The following PANK2 variants were observed in gnomAD, a reference collection of about 807,000 sequenced individuals.
The protein encoded by PANK2 is pantothenate kinase 2.
In PANK2, 36 loss-of-function variants were observed where a neutral mutation model predicts 43.1. The ratio of observed to expected loss-of-function variants is 0.84; its 90% CI spans 0.64 to 1.10. The LOEUF (loss-of-function observed/expected upper bound fraction) is 1.10. PANK2 is among the 50% of genes least tolerant of loss of function. PANK2 has a pLI of 0.00. For missense variants in PANK2, 576 were observed against 593.3 expected (o/e 0.97, Z 0.30); for synonymous variants, 281 against 238.2 (o/e 1.18, Z -1.66).
chr20:3,902,289 C>A (rs1045084786), intron 1 of PANK2, among the ~76,000 whole-genome samples: 3 of 151,546 alleles, frequency 2.0e-5, no homozygotes, highest in Non-Finnish European at 4.4e-5. Context: ...ACTTCAGCCT[C>A]TCAAGTAGCT....
intron 1 of PANK2, among the ~76,000 whole-genome samples, chr20:3,901,988 A>T (rs1364196344): frequency 6.6e-6 from 1 of 151,814 alleles, no homozygotes; most frequent in African/African-American, 2.4e-5. Flanking sequence ...TTTCCTTATG[A>T]TATCTTGAAA....
rs1021222383 is a variant in PANK2, at chr20:3,925,762, G to A, written c.*2468G>A. 3 of 152,330 alleles carry A rather than the reference G, an allele frequency of 2.0e-5. No homozygotes were observed. The highest frequency in any genetic ancestry group is 7.2e-5 in the African/African-American group (3 of 41,422). The allele number at this position is 152,330 out of a possible 1,614,324, so 9.4% of individuals were successfully genotyped here. On this transcript the variant is annotated 3_prime_UTR_variant, in exon 7 of 7. Coordinates refer to ENST00000610179, the MANE Select transcript of PANK2 (RefSeq NM_001386393.1). ...AGCATCACCTTGACTGATTTCCAGG[G>A]AACACTTCAACCACCCCTTACCTCT... is the stretch of plus-strand genomic sequence containing the variant.
chr20:3,913,773 C>CATAT (rs202153863), intron 4 of PANK2, among the ~76,000 whole-genome samples: 10 of 102,870 alleles, frequency 9.7e-5, no homozygotes, highest in East Asian at 2.8e-4. Context: ...CACACACACA[C>CATAT]ACATATATAT....
In PANK2 at chr20:3,927,532, T is replaced by A. The variant is rs2090741165; in HGVS notation, c.*4238T>A. ...AGGTTCAGCATTTCATAAACCTTTT[T>A]TTGAGGGAGTTACACAATACCTAGT... On this transcript the variant is annotated 3_prime_UTR_variant, in exon 7 of 7. Coordinates refer to ENST00000610179, the MANE Select transcript of PANK2 (RefSeq NM_001386393.1). 6.6e-6 allele frequency: 1 copy of A among 152,182 alleles called. No homozygotes were observed. The highest frequency in any genetic ancestry group is 2.4e-5 in the African/African-American group (1 of 41,450). The allele number at this position is 152,182 out of a possible 1,614,324, so 9.4% of individuals were successfully genotyped here.
chr20:3,890,631 C>T, intron 1 of PANK2, among the ~76,000 whole-genome samples: 1 of 152,110 alleles, frequency 6.6e-6, no homozygotes, highest in South Asian at 2.1e-4. Context: ...TTGCCAGATT[C>T]CTATTTCAGG....
chr20:3,920,512 G>A (rs151198419), intron 6 of PANK2, among the ~76,000 whole-genome samples: 2,707 of 148,726 alleles, frequency 0.018, 44 homozygotes, highest in Middle Eastern at 0.045. Context: ...ACGAGACTCT[G>A]TCTCAAAAAC....
chr20:3,914,216 A>G (rs1407793343), intron 4 of PANK2, among the ~76,000 whole-genome samples: 1 of 152,044 alleles, frequency 6.6e-6, no homozygotes, highest in African/African-American at 2.4e-5. Context: ...CCCATTTTAC[A>G]ATCTTAGCAG....
Position 3,890,406 on chromosome 20 carries a change from T to G in PANK2, c.298+678T>G, listed in dbSNP as rs147805248. Among the ~76,000 whole-genome samples the G allele has an allele frequency of 4.6e-5, 7 of 152,352 alleles. No homozygotes were observed. The East Asian group carries it at 1.2e-3, about 25-fold the overall frequency. ...AACAACATCTTTCTGAATTTTGCCT[T>G]GGGAGTTGCATACGCTCCTCCCAGA... On this transcript the variant is annotated intron_variant, in intron 1 of 6. Transcript: ENST00000610179.
At chr20:3,918,852 A>C in intron 6 of PANK2, 56 bp downstream of exon 6, 1 of 1,613,284 alleles carries the variant, frequency 6.2e-7, no homozygotes, top group Non-Finnish European at 8.5e-7. Flanking sequence ...TGTGGGTCAC[A>C]CTGTCATGGA....
chr20:3,891,210 A>C (rs998719200), intron 1 of PANK2: 2 of 152,066 alleles, frequency 1.3e-5, no homozygotes, highest in Non-Finnish European at 2.9e-5. Flanking sequence ...CCACTATGCC[A>C]GGCTAATTTT....
At chr20:3,901,645 T>C in intron 1 of PANK2, 1 of 962,228 alleles carries the variant, frequency 1.0e-6, no homozygotes, top group Non-Finnish European at 1.2e-6. Flanking sequence ...AGATTGCTTA[T>C]TTTTGTAAAA....
intron 1 of PANK2, 137 bp downstream of exon 1, chr20:3,889,865 C>A (rs1209073337): frequency 6.5e-7 from 1 of 1,533,280 alleles, no homozygotes; most frequent in Non-Finnish European, 8.7e-7. Context: ...GGTGCGTGGC[C>A]TGACATCCGG....
Position 3,918,812 on chromosome 20 carries a change from C to G in PANK2, c.1332+16C>G. ...GGAACACGAGGTAAGCTGACTTGTTCGTTGTGGTATATTATGTACACAGAG... is the reference window on the plus strand; with the variant it reads ...GGAACACGAGGTAAGCTGACTTGTTGGTTGTGGTATATTATGTACACAGAG... On this transcript the variant is annotated intron_variant, in intron 6 of 6. Transcript: ENST00000610179. The G allele has an allele frequency of 6.2e-7, 1 of 1,614,026 alleles. No homozygotes were observed. The highest frequency in any genetic ancestry group is 8.5e-7 in the Non-Finnish European group (1 of 1,179,986).
intron 1 of PANK2, among the ~76,000 whole-genome samples, chr20:3,899,038 C>A (rs1432453487): frequency 1.3e-5 from 2 of 151,726 alleles, no homozygotes; most frequent in East Asian, 3.9e-4. Flanking sequence ...CTGCACCTGG[C>A]TAATTTTTTA....
intron 1 of PANK2, among the ~76,000 whole-genome samples, chr20:3,892,757 C>T (rs1469808075): frequency 2.0e-5 from 3 of 150,938 alleles, no homozygotes; most frequent in Non-Finnish European, 2.9e-5. Context: ...ATTTGAAAGT[C>T]GAAGGAGCTA....
In PANK2 at chr20:3,928,662, G is replaced by A. The variant is rs241599; in HGVS notation, c.*5368G>A. On this transcript the variant is annotated 3_prime_UTR_variant, in exon 7 of 7. Transcript: ENST00000610179. ...GTCCCAGCTCCCGAGGCGGGAGAAT[G>A]GCGTGAACCTGGGAGGCGGAGCTTG... The A allele has an allele frequency of 0.49, 71,255 of 145,682 alleles. 18,260 individuals are homozygous for A. The highest frequency in any genetic ancestry group is 0.66 in the African/African-American group (26,194 of 39,582). 9.0% of individuals were successfully genotyped at this position (145,682 alleles called of 1,614,324 possible).
At chr20:3,902,972 GACACACACACACACACACACACACACAC>G (rs11468265) in intron 1 of PANK2, among the ~76,000 whole-genome samples, 4 of 141,336 alleles carry the variant, frequency 2.8e-5, no homozygotes, top group East Asian at 2.1e-4. Flanking sequence ...GATGTGTATA[GACACACACACACACACACACACACACAC>G]ACACACACAC....
intron 1 of PANK2, among the ~76,000 whole-genome samples, chr20:3,893,616 G>A (rs2146818338): frequency 6.6e-6 from 1 of 152,266 alleles, no homozygotes; most frequent in Admixed American, 6.5e-5. Context: ...GTTGTAGCAT[G>A]CCAGGGAGAC....
intron 4 of PANK2, among the ~76,000 whole-genome samples, chr20:3,914,597 C>T (rs893784419): frequency 9.3e-5 from 14 of 151,102 alleles, no homozygotes; most frequent in African/African-American, 3.4e-4. Flanking sequence ...TCACTCCTGG[C>T]TGAACATTTT....
Sources: allele counts gnomAD v4.1 joint callset (sites outside exome capture counted in the v4.1 genomes callset), GRCh38; gene constraint gnomAD v4.1.1; transcripts MANE v1.5; gene names NCBI Gene and HGNC (gene_info 2026-07-23, HGNC 2026-07-21).